DGKB: variants seen among roughly 807,000 people sequenced by gnomAD.
The protein encoded by DGKB is 90 kDa diacylglycerol kinase.
DGKB carries 67 observed loss-of-function variants against 114.3 expected under a neutral mutation model. The observed-to-expected ratio is 0.59, with a 90% CI of 0.48 to 0.72. DGKB has a LOEUF of 0.72. Ranked by LOEUF, DGKB falls within the 30% of genes least tolerant of loss-of-function variation. DGKB has a pLI of 0.00. For missense variants in DGKB, 907 were observed against 975.2 expected, an observed-to-expected ratio of 0.93 and a Z score of 0.93; for synonymous variants, 398 against 323.1, an observed-to-expected ratio of 1.23 and a Z score of -2.49.
intron 2 of DGKB, among the ~76,000 whole-genome samples, chr7:14,829,893 T>C (rs1315773515): frequency 1.3e-5 from 2 of 152,056 alleles, no homozygotes; most frequent in Middle Eastern, 3.2e-3. Context: ...TCGGAAATAC[T>C]TCCCAGAAAT....
chr7:14,364,072 C>T (rs974839273), intron 21 of DGKB, among the ~76,000 whole-genome samples: 1 of 151,818 alleles, frequency 6.6e-6, no homozygotes, highest in African/African-American at 2.4e-5. Flanking sequence ...TGACTCAGTA[C>T]AATACAAAGA....
At chr7:14,886,487 G>A (rs1404544226) in intron 1 of DGKB, among the ~76,000 whole-genome samples, 2 of 151,754 alleles carry the variant, frequency 1.3e-5, no homozygotes, top group Admixed American at 6.6e-5. Context: ...TCTCTCAAAT[G>A]GTACAAGGCA....
intron 17 of DGKB, among the ~76,000 whole-genome samples, chr7:14,588,854 C>T (rs560724262): frequency 6.6e-6 from 1 of 152,052 alleles, no homozygotes; most frequent in South Asian, 2.1e-4. Context: ...AGAATCTTAC[C>T]AATTATTTCT....
intron 21 of DGKB, among the ~76,000 whole-genome samples, chr7:14,360,513 A>T (rs1815518552): frequency 6.6e-6 from 1 of 151,876 alleles, no homozygotes; most frequent in African/African-American, 2.4e-5. Context: ...CATATATTTA[A>T]GGAGCACCTA....
rs573351194 is a variant in DGKB at position 14,618,806 on chromosome 7, T to G, written c.1284+2572A>C. 2.0e-5 allele frequency among the ~76,000 whole-genome samples: 3 copies of G among 151,596 alleles called. No individual in the cohort carries two copies. The East Asian group carries it at 5.8e-4, about 29-fold the overall frequency. On this transcript the variant is annotated intron_variant, in intron 15 of 25. Transcript: ENST00000402815. ...ATGTGCTTAACTATGATTAATAGTC[T>G]TCTTTAAGCAGTGTAGATCTCTTCT... is the stretch of plus-strand genomic sequence containing the variant.
intron 20 of DGKB, among the ~76,000 whole-genome samples, chr7:14,510,069 G>A (rs895880219): frequency 6.6e-6 from 1 of 152,196 alleles, no homozygotes; most frequent in African/African-American, 2.4e-5. Context: ...CCAGCTACTC[G>A]GGAGGCTGAG....
chr7:14,663,693 C>A (rs1817554575), intron 13 of DGKB, among the ~76,000 whole-genome samples: 1 of 145,280 alleles, frequency 6.9e-6, no homozygotes, highest in African/African-American at 2.5e-5. Flanking sequence ...ACTCCCCTCC[C>A]TTCCCTCACT....
At chr7:14,249,404 GT>G (rs1794918479) in intron 23 of DGKB, among the ~76,000 whole-genome samples, 5 of 152,232 alleles carry the variant, frequency 3.3e-5, no homozygotes, top group Admixed American at 3.3e-4. Context: ...TTTTTGAAGA[GT>G]TTAGGAAGCA....
intron 23 of DGKB, among the ~76,000 whole-genome samples, chr7:14,239,732 G>A (rs1793364539): frequency 1.3e-5 from 2 of 151,972 alleles, no homozygotes; most frequent in African/African-American, 4.8e-5. Context: ...ACAATATAAA[G>A]TTGCTCCAGA....
intron 23 of DGKB, among the ~76,000 whole-genome samples, chr7:14,244,386 G>A (rs1416925288): frequency 6.6e-6 from 1 of 152,114 alleles, no homozygotes; most frequent in African/African-American, 2.4e-5. Context: ...GCCGGGCGCG[G>A]TGGCTCACGC....
chr7:14,935,002 G>C (rs1472873431), intron 1 of DGKB, among the ~76,000 whole-genome samples: 1 of 152,158 alleles, frequency 6.6e-6, no homozygotes, highest in Non-Finnish European at 1.5e-5. Flanking sequence ...CTAACATTGA[G>C]AGAAGCCTTA....
chr7:14,240,260 G>A (rs1365475154), intron 23 of DGKB, among the ~76,000 whole-genome samples: 2 of 151,926 alleles, frequency 1.3e-5, no homozygotes, highest in Non-Finnish European at 2.9e-5. Flanking sequence ...ATCCCTCAAA[G>A]CCTAGGTTCC....
At position 14,184,474 on chromosome 7, in the gene DGKB, T is replaced by G. The variant is rs1262802812; in HGVS notation, c.2123-6323A>C. Among the ~76,000 whole-genome samples the G allele has an allele frequency of 4.6e-5, 7 of 152,116 alleles. No individual in the cohort carries two copies. In the East Asian group the frequency reaches 1.4e-3, roughly 29 times the overall value. On this transcript the variant is annotated intron_variant, in intron 23 of 25. Coordinates refer to ENST00000402815, the MANE Select transcript of DGKB (RefSeq NM_001350709.2). Reference sequence around the variant, plus strand: ...AGTTAGAACGGGCCTTCAGTTTGCATGGGAGCTGTGTGAGGCCTGTGACTG... The same window carrying G: ...AGTTAGAACGGGCCTTCAGTTTGCAGGGGAGCTGTGTGAGGCCTGTGACTG...
intron 25 of DGKB, among the ~76,000 whole-genome samples, chr7:14,172,072 C>G (rs28595256): frequency 5.6e-4 from 85 of 152,168 alleles, no homozygotes; most frequent in African/African-American, 2.0e-3. Context: ...CTCAGGGAAG[C>G]ATTTATGGAG....
chr7:14,448,960 A>G (rs1040033936), intron 21 of DGKB, among the ~76,000 whole-genome samples: 1 of 152,124 alleles, frequency 6.6e-6, no homozygotes, highest in East Asian at 1.9e-4. Flanking sequence ...TGAGCATGAG[A>G]TAATGTTATT....
chr7:14,914,961 G>A (rs1000780468), intron 1 of DGKB, among the ~76,000 whole-genome samples: 5 of 151,916 alleles, frequency 3.3e-5, no homozygotes, highest in African/African-American at 7.3e-5. Flanking sequence ...AGGAAAATAA[G>A]GTCTTCTGAA....
Position 14,682,748 on chromosome 7 carries a change from C to T in DGKB, c.918+5G>A, listed in dbSNP as rs1821051062. The T allele has an allele frequency of 6.2e-7, 1 of 1,612,350 alleles. No homozygotes were observed. Among genetic ancestry groups the T allele is most frequent in the Non-Finnish European group, 8.5e-7 (1 of 1,178,736 alleles). On this transcript the variant is annotated splice_donor_5th_base_variant and intron_variant, in intron 11 of 25. Coordinates refer to ENST00000402815, the MANE Select transcript of DGKB (RefSeq NM_001350709.2). ...TTCAGAAAGCAAGCATGCACACAAA[C>T]TTACATCAGTGTTCCTTTTGGACTT...
chr7:14,700,212 ATT>A (rs3071277), intron 7 of DGKB, among the ~76,000 whole-genome samples: 1,639 of 131,176 alleles, frequency 0.012, 25 homozygotes, highest in African/African-American at 0.036. Flanking sequence ...TTGAAAAAAA[ATT>A]TTTTTTTTTT....
chr7:14,529,838 C>T (rs1490911175), intron 20 of DGKB, among the ~76,000 whole-genome samples: 1 of 151,678 alleles, frequency 6.6e-6, no homozygotes, highest in Admixed American at 6.6e-5. Flanking sequence ...TGGTATGTTC[C>T]TTCTCTTTGG....
Sources: gnomAD v4.1 joint callset for allele counts (sites outside exome capture counted in the v4.1 genomes callset) on GRCh38, gnomAD v4.1.1 for gene constraint, MANE v1.5 for transcripts, NCBI Gene and HGNC (gene_info 2026-07-23, HGNC 2026-07-21) for gene names.